The following NEU3 variants were observed in gnomAD, a reference collection of about 807,000 sequenced individuals.
The protein encoded by NEU3 is neuraminidase 3.
In NEU3, 10 loss-of-function variants were observed where a neutral mutation model predicts 11.4. That is an observed-to-expected ratio of 0.88 (90% CI 0.54 to 1.49). The LOEUF is 1.49. Ranked by LOEUF, NEU3 falls within the 40% of genes most tolerant of loss-of-function variation. The pLI is 0.00. For missense variants in NEU3, 529 were observed against 581.8 expected, an observed-to-expected ratio of 0.91 and a Z score of 0.93; for synonymous variants, 212 against 228.2, an observed-to-expected ratio of 0.93 and a Z score of 0.64.
chr11:74,985,932 C>T (rs971959124), upstream of NEU3, among the ~76,000 whole-genome samples: 2 of 152,212 alleles, frequency 1.3e-5, no homozygotes, highest in African/African-American at 4.8e-5. Context: ...TGCAATCAAA[C>T]AGTCTACATA....
At chr11:75,018,794 G>A (rs1381374597) in exon 4 of NEU3, 1 of 152,382 alleles carries the variant, frequency 6.6e-6, no homozygotes, top group Non-Finnish European at 1.5e-5. Context: ...ACAGGCAGAA[G>A]TTGGAACAGT....
Position 75,005,714 on chromosome 11 carries a change from A to C in NEU3, c.608A>C (p.Gln203Pro). Residue 203 changes from glutamine to proline, a missense_variant, in exon 3 of 3, where the codon CAG becomes CCG. Transcript: ENST00000294064. ...GGCCCAGGTCATGGCATCCAGCTGC[A>C]GTCAGGGAGACTGGTCATCCCTGCG... Reference protein sequence around the residue: ...AVGPGHGIQLQSGRLVIPAYT... With the variant: ...AVGPGHGIQLPSGRLVIPAYT... 1.9e-6 allele frequency: 3 copies of C among 1,614,034 alleles called. No homozygotes were observed. The highest frequency in any genetic ancestry group is 2.5e-6 in the Non-Finnish European group (3 of 1,179,892).
chr11:75,015,583 C>G (rs80024050), downstream of NEU3, among the ~76,000 whole-genome samples: 1,719 of 152,274 alleles, frequency 0.011, 29 homozygotes, highest in African/African-American at 0.039. Context: ...GCATTTGTAA[C>G]AAGTTCCCAA....
In NEU3 at chr11:75,005,399, T is replaced by G. The variant is rs758364294; in HGVS notation, c.307-14T>G. 1.3e-6 allele frequency: 2 copies of G among 1,578,886 alleles called. No individual in the cohort carries two copies. Among genetic ancestry groups the G allele is most frequent in the South Asian group, 2.3e-5 (2 of 86,406 alleles). ...TAGTATCTCACTCCTACTTTCTCCC[T>G]TCTCCTTGTCTAGTGGGGGCCCCTG... On this transcript the variant is annotated splice_polypyrimidine_tract_variant and intron_variant, in intron 2 of 2. Coordinates refer to ENST00000294064, the MANE Select transcript of NEU3 (RefSeq NM_006656.6).
At chr11:75,004,269 G>C in intron 2 of NEU3, 1 of 679,262 alleles carries the variant, frequency 1.5e-6, no homozygotes, top group Non-Finnish European at 2.7e-6. Flanking sequence ...AAAGTGTTAT[G>C]TCAATTTAGT....
At chr11:74,985,655 A>G (rs1337235221), upstream of NEU3, among the ~76,000 whole-genome samples, 1 of 152,242 alleles carries the variant, frequency 6.6e-6, no homozygotes, top group African/African-American at 2.4e-5. Flanking sequence ...AAATAAGGAC[A>G]CATCTGGATC....
downstream of NEU3, among the ~76,000 whole-genome samples, chr11:75,012,267 G>A (rs1948960848): frequency 6.6e-6 from 1 of 152,154 alleles, no homozygotes; most frequent in African/African-American, 2.4e-5. Context: ...ACCTCATGAT[G>A]TCATGACCTA....
upstream of NEU3, among the ~76,000 whole-genome samples, chr11:74,987,728 G>A (rs56341453): frequency 0.012 from 1,899 of 152,110 alleles, 42 homozygotes; most frequent in African/African-American, 0.043. Context: ...CAGGAGAATG[G>A]CGTGAACCCG....
Position 75,006,503 on chromosome 11 carries a change from AC to A in NEU3, c.*14del, listed in dbSNP as rs758610145. The stretch of plus-strand genomic sequence containing the variant: ...TTCAAAAGCAATTAATTGGCTTAGG[AC>A]CCAATTTCCATAGATGCAAATGGCA... On this transcript the variant is annotated 3_prime_UTR_variant, in exon 3 of 3. Transcript: ENST00000294064. The A allele has an allele frequency of 3.1e-6, 5 of 1,593,106 alleles. No homozygotes were observed. The African/African-American group carries it at 6.7e-5, about 21-fold the overall frequency.
rs59676820 is a variant in NEU3, at chr11:74,995,788, GTATTAT to G, written c.306+1094_306+1099del. On this transcript the variant is annotated intron_variant, in intron 2 of 2. Transcript: ENST00000294064. ...GGGTGGTGGTTGCTGAAGATTTAGT[GTATTAT>G]TATTATTATTATTATTATTATTATT... 5.9e-3 allele frequency among the ~76,000 whole-genome samples: 866 copies of G among 147,134 alleles called. 6 individuals carry two copies. Among genetic ancestry groups the G allele is most frequent in the African/African-American group, 0.02 (799 of 40,000 alleles).
rs773836008 is a variant in NEU3 at position 75,006,105 on chromosome 11, C to T, written c.999C>T (p.Ser333=). ...CACATAGGTGCCAGGACTCTAGCAG[C>T]AAAGATGCACCCACCATTCAGCAGA... The part of the protein sequence containing the change: ...EIPHRCQDSS[S]KDAPTIQQSS... The change falls in exon 3 of 3, where the codon AGC becomes AGT. Residue 333 remains serine (S), a synonymous_variant. Transcript: ENST00000294064. The T allele has an allele frequency of 4.3e-6, 7 of 1,613,872 alleles. No individual in the cohort carries two copies. In the South Asian group the frequency reaches 7.7e-5, roughly 18 times the overall value.
chr11:75,000,256 C>T (rs557250529), intron 2 of NEU3, among the ~76,000 whole-genome samples: 5 of 152,232 alleles, frequency 3.3e-5, no homozygotes, highest in African/African-American at 7.2e-5. Flanking sequence ...ATACATCTAA[C>T]ATAAATTTTA....
At chr11:75,014,536 C>T (rs779735522), downstream of NEU3, among the ~76,000 whole-genome samples, 2 of 152,138 alleles carry the variant, frequency 1.3e-5, no homozygotes, top group African/African-American at 2.4e-5. Flanking sequence ...GGAAACTGAG[C>T]CCTGGAAAGA....
rs887214725 is a variant in NEU3, at chr11:75,009,980, C to G, written c.*3488C>G. ...GGTCAACCTGAGTCTCCACAGCCTC[C>G]TCCCCAGGGCAGTAGGAATTGATAT... is the stretch of plus-strand genomic sequence containing the variant. On this transcript the variant is annotated 3_prime_UTR_variant, in exon 3 of 3. Transcript: ENST00000294064. The G allele has an allele frequency of 3.3e-5, 5 of 152,256 alleles. No homozygotes were observed. The highest frequency in any genetic ancestry group is 6.5e-5 in the Admixed American group (1 of 15,288). 9.4% of individuals were successfully genotyped at this position (152,256 alleles called of 1,614,324 possible). A position where few individuals can be genotyped will look rare whatever the true frequency, so the allele number is the denominator to read the frequency against.
chr11:74,997,558 C>A (rs1948801324), intron 2 of NEU3, among the ~76,000 whole-genome samples: 1 of 152,012 alleles, frequency 6.6e-6, no homozygotes, highest in African/African-American at 2.4e-5. Flanking sequence ...CCTTCAAGAA[C>A]TTTTCAGCCT....
At chr11:74,982,513 C>G in the NEU3 span, among the ~76,000 whole-genome samples, 1 of 152,166 alleles carries the variant, frequency 6.6e-6, no homozygotes, top group African/African-American at 2.4e-5. Flanking sequence ...TCACCTTCGA[C>G]AGTTTTATCA....
intron 2 of NEU3, among the ~76,000 whole-genome samples, chr11:75,003,306 C>T (rs1565496491): frequency 6.6e-6 from 1 of 152,174 alleles, no homozygotes; most frequent in Non-Finnish European, 1.5e-5. Context: ...CTCAGCCTTT[C>T]AGTTACTTCT....
chr11:74,982,659 C>G, the NEU3 span, among the ~76,000 whole-genome samples: 58 of 152,068 alleles, frequency 3.8e-4, no homozygotes, highest in Non-Finnish European at 6.8e-4. Context: ...CTCCTTGGCC[C>G]CATGGGGACA....
In NEU3 at chr11:75,006,480, C is replaced by G. The variant is rs756770214; in HGVS notation, c.1374C>G (p.Phe458Leu). Residue 458 changes from phenylalanine to leucine, a missense_variant, in exon 3 of 3, where the codon TTC (phenylalanine) becomes TTG (leucine). Phe to Leu is a conservative substitution (Grantham distance 22). Transcript: ENST00000294064. Reference sequence around the variant, plus strand: ...GCCCTGGTAGGAACCCAAGCCAATTCAAAAGCAATTAATTGGCTTAGGACC... The same window carrying G: ...GCCCTGGTAGGAACCCAAGCCAATTGAAAAGCAATTAATTGGCTTAGGACC... The part of the protein sequence containing the change: ...CTSPGRNPSQ[F>L]KSN 3 of 1,608,990 alleles carry G rather than the reference C, an allele frequency of 1.9e-6. No individual in the cohort carries two copies. The highest frequency in any genetic ancestry group is 2.5e-6 in the Non-Finnish European group (3 of 1,177,016).
Sources: gnomAD v4.1 joint callset for allele counts (sites outside exome capture counted in the v4.1 genomes callset) on GRCh38, gnomAD v4.1.1 for gene constraint, MANE v1.5 for transcripts, NCBI Gene and HGNC (gene_info 2026-07-23, HGNC 2026-07-21) for gene names.